NCOR2: variants seen among roughly 807,000 people sequenced by gnomAD.
The protein encoded by NCOR2 is nuclear receptor corepressor 2.
A neutral mutation model predicts 262.9 loss-of-function variants in NCOR2; 81 were observed. That is an observed-to-expected ratio of 0.31 (90% confidence interval 0.26 to 0.37). The LOEUF is 0.37. Ranked by LOEUF, NCOR2 falls within the 10% of genes least tolerant of loss-of-function variation. The pLI, the probability that NCOR2 is intolerant of heterozygous loss-of-function variation, is 1.00. For missense variants in NCOR2, 3,385 were observed against 3,621.4 expected, an observed-to-expected ratio of 0.93 and a Z score of 1.68; for synonymous variants, 1,659 against 1,559.3, an observed-to-expected ratio of 1.06 and a Z score of -1.51.
At chr12:124,501,050 G>A (rs7487131) in intron 1 of NCOR2, among the ~76,000 whole-genome samples, 4 of 30,534 alleles carry the variant, frequency 1.3e-4, no homozygotes, top group Non-Finnish European at 1.5e-4. Context: ...GCACGAGCGC[G>A]CGCGCACGCG....
rs969895149 is a variant in NCOR2, at chr12:124,372,290, C to T, written c.2539G>A (p.Ala847Thr). The T allele has an allele frequency of 8.4e-6, 13 of 1,543,724 alleles. No individual in the cohort carries two copies. The Admixed American group carries it at 9.6e-5, about 11-fold the overall frequency. The change falls in exon 20 of 47, where the codon GCG becomes ACG. Residue 847 changes from alanine (A) to threonine (T), a missense_variant. Coordinates refer to ENST00000405201, the Ensembl canonical transcript of NCOR2. ...GTGTCCACTGCCAGCTCCTCAGCCGCGGGGGGCTTCTGCTCCTCCCCCTCC... is the reference window on the plus strand; with the variant it reads ...GTGTCCACTGCCAGCTCCTCAGCCGTGGGGGGCTTCTGCTCCTCCCCCTCC...
At chr12:124,400,700 T>C in intron 14 of NCOR2, 27 bp from the exon 17 acceptor site, 1 of 1,608,424 alleles carries the variant, frequency 6.2e-7, no homozygotes. Flanking sequence ...GGAGATAGGA[T>C]GGCTTCACCC....
At chr12:124,342,748 A>C (rs957221908) in intron 33 of NCOR2, among the ~76,000 whole-genome samples, 2 of 152,226 alleles carry the variant, frequency 1.3e-5, no homozygotes, top group African/African-American at 4.8e-5. Flanking sequence ...TTGCATTGCT[A>C]AAGGCACTGA....
intron 38 of NCOR2, 110 bp downstream of exon 40, chr12:124,336,643 G>A (rs1038386826): frequency 1.3e-5 from 20 of 1,512,060 alleles, no homozygotes; most frequent in Middle Eastern, 2.5e-4. Flanking sequence ...TCTTACCATC[G>A]CGAGGGGAGC....
intron 1 of NCOR2, among the ~76,000 whole-genome samples, chr12:124,493,386 C>T (rs543057526): frequency 7.2e-5 from 11 of 152,340 alleles, no homozygotes; most frequent in Middle Eastern, 6.8e-3. Context: ...CAGCAGCAAA[C>T]GGACAGAGCG....
chr12:124,503,601 T>C lies in NCOR2; in HGVS notation c.-117-8233A>G, dbSNP rs916930760. ...ACGGACGGATGGACGGATGGATGGA[T>C]GGACGGACGGACGGATGGATGGATG... On this transcript the variant is annotated intron_variant, in intron 1 of 46. Coordinates refer to the NCOR2 transcript ENST00000404621. This position sits in a 1 kb window ranked among gnomAD's most constrained non-coding sequence, Gnocchi z 4.3. Among the ~76,000 whole-genome samples the C allele has an allele frequency of 9.9e-5, 13 of 131,890 alleles. No individual in the cohort carries two copies. Among genetic ancestry groups the C allele is most frequent in the East Asian group, 4.4e-4 (2 of 4,542 alleles). The allele number at this position is 131,890 out of a possible 152,430, so 86.5% of individuals were successfully genotyped here.
In NCOR2 at chr12:124,533,000, CCAAATCGCACTTCTCCTTCCCCT is replaced by C. The variant is rs1333723884; in HGVS notation, c.-118+2542_-118+2564del. ...AATCCCACTCCTCTTTCCCCCACCT[CCAAATCGCACTTCTCCTTCCCCT>C]CCTCCCTCCAAATCCCACTCCTCCT... On this transcript the variant is annotated intron_variant, in intron 1 of 46. Transcript: ENST00000404621. 2.5e-4 allele frequency among the ~76,000 whole-genome samples: 19 copies of C among 75,826 alleles called. 1 individual carries two copies. Among genetic ancestry groups the C allele is most frequent in the African/African-American group, 4.6e-4 (12 of 26,084 alleles). The allele number at this position is 75,826 out of a possible 152,430, so 49.7% of individuals were successfully genotyped here. A position where few individuals can be genotyped will look rare whatever the true frequency, so the allele number is the denominator to read the frequency against.
chr12:124,501,062 GCACACACACACACACACA>G (rs3040848), intron 1 of NCOR2, among the ~76,000 whole-genome samples: 4,928 of 147,900 alleles, frequency 0.033, 116 homozygotes, highest in Middle Eastern at 0.062. Context: ...GCGCACGCGC[GCACACACACACACACACA>G]CACACACACA....
intron 20 of NCOR2, among the ~76,000 whole-genome samples, chr12:124,366,701 A>G (rs899940449): frequency 2.6e-5 from 4 of 151,978 alleles, no homozygotes; most frequent in African/African-American, 4.8e-5. Flanking sequence ...TTTTTGTGGT[A>G]GAGCCAAGGT....
intron 1 of NCOR2, among the ~76,000 whole-genome samples, chr12:124,526,095 T>C (rs2050453140): frequency 6.6e-6 from 1 of 152,194 alleles, no homozygotes; most frequent in African/African-American, 2.4e-5. Context: ...TGTACACACA[T>C]TAGTCCCTCC....
chr12:124,491,509 C>T (rs2048081392), intron 1 of NCOR2, among the ~76,000 whole-genome samples: 1 of 152,192 alleles, frequency 6.6e-6, no homozygotes, highest in Non-Finnish European at 1.5e-5. Flanking sequence ...AACCAGTCTT[C>T]AATACTGCGG....
intron 42 of NCOR2, 94 bp downstream of exon 44, chr12:124,333,036 T>C: frequency 6.8e-7 from 1 of 1,469,678 alleles, no homozygotes; most frequent in Non-Finnish European, 9.1e-7. Context: ...TGTGCCCTTG[T>C]CACTCTCCAC....
chr12:124,402,144 C>T (rs2342922), intron 14 of NCOR2, among the ~76,000 whole-genome samples: 56,650 of 151,992 alleles, frequency 0.37, 12,775 homozygotes, highest in Non-Finnish European at 0.48. Context: ...CTCAAATGAG[C>T]TATCAGTCTC....
intron 13 of NCOR2, among the ~76,000 whole-genome samples, chr12:124,416,111 C>T (rs1246578161): frequency 1.3e-5 from 2 of 152,104 alleles, no homozygotes; most frequent in Admixed American, 6.5e-5. Flanking sequence ...GGAGCTGAGA[C>T]GGGGCCCAAG....
At chr12:124,508,834 G>A (rs1713010817) in intron 1 of NCOR2, among the ~76,000 whole-genome samples, 1 of 152,234 alleles carries the variant, frequency 6.6e-6, no homozygotes, top group Non-Finnish European at 1.5e-5. Flanking sequence ...TTATGACGTG[G>A]TCACTGGACG....
At chr12:124,433,863 C>CAA (rs2044140346) in intron 8 of NCOR2, among the ~76,000 whole-genome samples, 1 of 60,270 alleles carries the variant, frequency 1.7e-5, no homozygotes, top group Non-Finnish European at 3.1e-5. Flanking sequence ...CACACACACA[C>CAA]ACACACACAC....
At chr12:124,489,265 CAAT>C (rs2047947948) in intron 1 of NCOR2, among the ~76,000 whole-genome samples, 1 of 152,288 alleles carries the variant, frequency 6.6e-6, no homozygotes, top group South Asian at 2.1e-4. Flanking sequence ...TAAAAAACAA[CAAT>C]AATACCCCAC....
rs2040995881 is a variant in NCOR2, at chr12:124,388,590, C to T, written c.1877-2703G>A. The T allele has an allele frequency of 3.2e-6, 4 of 1,246,892 alleles. No individual in the cohort carries two copies. In the Admixed American group the frequency reaches 9.5e-5, roughly 30 times the overall value. 77.2% of individuals were successfully genotyped at this position (1,246,892 alleles called of 1,614,324 possible). On this transcript the variant is annotated intron_variant, in intron 16 of 46. Transcript: ENST00000405201. ...CTCCAGGGGCCCAGAACTCCGACTC[C>T]CCAGCTGCCCAGCCTCAAATCCCAG... is the stretch of plus-strand genomic sequence containing the variant.
chr12:124,430,290 G>T (rs990920711), intron 9 of NCOR2, among the ~76,000 whole-genome samples: 1 of 152,198 alleles, frequency 6.6e-6, no homozygotes. Flanking sequence ...TCTTAGCCAC[G>T]TCTCTCCCCT....
Sources: gnomAD v4.1 joint callset for allele counts (sites outside exome capture counted in the v4.1 genomes callset) on GRCh38, gnomAD v4.1.1 for gene constraint, Gnocchi (gnomAD v3.1) non-coding constraint, MANE v1.5 for transcripts, NCBI Gene and HGNC (gene_info 2026-07-23, HGNC 2026-07-21) for gene names.